The following IL7R variants were observed in gnomAD, a reference collection of about 807,000 sequenced individuals.
IL7R encodes the protein interleukin-7 receptor subunit alpha.
In IL7R, 38 loss-of-function variants were observed where a neutral mutation model predicts 47.0. The observed-to-expected ratio is 0.81, with a 90% CI of 0.62 to 1.06. IL7R has a LOEUF of 1.06. Among genes scored for constraint, IL7R ranks in the 50% least tolerant of loss-of-function variants. The pLI is 0.00. For synonymous variants in IL7R, 221 were observed against 199.8 expected (o/e 1.11, Z -0.89); for missense variants, 633 against 534.8 (o/e 1.18, Z -1.81).
In IL7R at chr5:35,871,159, AG is replaced by A; in HGVS notation, c.484del (p.Val162PhefsTer2). 6.2e-7 allele frequency: 1 copy of A among 1,613,472 alleles called. No individual in the cohort carries two copies. ...TSHLQKKYVK[V>X]LMHDVAYRQE... ...CACACTTGCAAAAGAAGTATGTAAA[AG>A]TTTTAATGCACGATGTAGCTTACCG... On this transcript the variant is annotated frameshift_variant, in exon 4 of 8. Transcript: ENST00000303115. LOFTEE classifies it high-confidence loss of function.
chr5:35,870,679 T>C (rs1000888959), intron 3 of IL7R, among the ~76,000 whole-genome samples: 12 of 152,220 alleles, frequency 7.9e-5, no homozygotes, highest in Non-Finnish European at 1.8e-4. Flanking sequence ...TGGATGTTTC[T>C]AACCTGCAGC....
intron 1 of IL7R, among the ~76,000 whole-genome samples, chr5:35,857,738 A>C (rs2149893971): frequency 6.6e-6 from 1 of 152,308 alleles, no homozygotes; most frequent in Middle Eastern, 3.4e-3. Flanking sequence ...TAAAAAACTT[A>C]GTACCGAGAA....
intron 4 of IL7R, among the ~76,000 whole-genome samples, chr5:35,872,155 C>T (rs1480523003): frequency 3.3e-5 from 5 of 152,052 alleles, no homozygotes; most frequent in African/African-American, 1.2e-4. Context: ...ATAAATGCTG[C>T]CAGGACAATT....
At chr5:35,866,431 G>C (rs11567731) in intron 2 of IL7R, among the ~76,000 whole-genome samples, 3,181 of 152,174 alleles carry the variant, frequency 0.021, 123 homozygotes, top group African/African-American at 0.073. Context: ...GTTGAGAAGG[G>C]TCATTCCTCT....
intron 2 of IL7R, among the ~76,000 whole-genome samples, chr5:35,863,390 G>A (rs780903742): frequency 2.6e-5 from 4 of 151,994 alleles, no homozygotes; most frequent in Non-Finnish European, 5.9e-5. Flanking sequence ...CAGCTCACTC[G>A]AAGCCAGACA....
intron 7 of IL7R, 41 bp from the exon 8 acceptor site, chr5:35,875,942 T>C (rs1760194164): frequency 6.2e-7 from 1 of 1,600,342 alleles, no homozygotes; most frequent in Non-Finnish European, 8.5e-7. Context: ...GGTGTGTCTC[T>C]CTGGTGCCAT....
chr5:35,861,492 T>A (rs539814426), intron 2 of IL7R, among the ~76,000 whole-genome samples: 68 of 152,190 alleles, frequency 4.5e-4, no homozygotes, highest in Non-Finnish European at 9.0e-4. Context: ...GATGGTTAAA[T>A]AATTTCATCA....
Position 35,864,501 on chromosome 5 carries a change from A to G in IL7R, c.222-2805A>G, listed in dbSNP as rs2149897623. Among the ~76,000 whole-genome samples, 4 of 152,312 alleles carry G rather than the reference A, an allele frequency of 2.6e-5. No individual in the cohort carries two copies. The South Asian group carries it at 8.3e-4, about 32-fold the overall frequency. ...CATTCTACTCTCCTTCCAGCGATGCATGAGAGATATACATCATTTGCAACG... is the reference window on the plus strand; with the variant it reads ...CATTCTACTCTCCTTCCAGCGATGCGTGAGAGATATACATCATTTGCAACG... On this transcript the variant is annotated intron_variant, in intron 2 of 7. Coordinates refer to ENST00000303115, the MANE Select transcript of IL7R (RefSeq NM_002185.5).
rs9282749 is a variant in IL7R at position 35,869,038 on chromosome 5, C to T, written c.379+1575C>T. The stretch of plus-strand genomic sequence containing the variant: ...AGTCTCTTGGGGCTATGGCAAGCAC[C>T]CCTGGACAAGCAGGAAGAGAGGTGG... On this transcript the variant is annotated intron_variant, in intron 3 of 7. Coordinates refer to ENST00000303115, the MANE Select transcript of IL7R (RefSeq NM_002185.5). Among the ~76,000 whole-genome samples the T allele has an allele frequency of 1.9e-4, 29 of 152,228 alleles. No homozygotes were observed. The South Asian group carries it at 5.8e-3, about 31-fold the overall frequency.
intron 2 of IL7R, among the ~76,000 whole-genome samples, chr5:35,864,204 G>C (rs185141107): frequency 2.2e-4 from 34 of 152,194 alleles, no homozygotes; most frequent in Admixed American, 5.2e-4. Flanking sequence ...CCATCTCATA[G>C]CTCATCTTTT....
chr5:35,866,482 C>A (rs953248817), intron 2 of IL7R, among the ~76,000 whole-genome samples: 2 of 152,108 alleles, frequency 1.3e-5, no homozygotes, highest in African/African-American at 4.8e-5. Context: ...GACACTATTT[C>A]TTTCCTTATA....
rs148001159 is a variant in IL7R at position 35,860,983 on chromosome 5, G to T, written c.214G>T (p.Glu72Ter). The T allele has an allele frequency of 4.3e-6, 7 of 1,613,452 alleles. No individual in the cohort carries two copies. The highest frequency in any genetic ancestry group is 5.9e-6 in the Non-Finnish European group (7 of 1,179,464). The change falls in exon 2 of 8, where the codon GAA (glutamate) becomes TAA (stop). Residue 72 changes from glutamate (E) to a stop codon, truncating the protein, a stop_gained. Coordinates refer to ENST00000303115, the MANE Select transcript of IL7R (RefSeq NM_002185.5). LOFTEE classifies it high-confidence loss of function. Reference sequence around the variant, plus strand: ...TGTCAACATCACCAATCTGGAATTTGAAATATGGTGAGGGATGGTGGTTTT... The same window carrying T: ...TGTCAACATCACCAATCTGGAATTTTAAATATGGTGAGGGATGGTGGTTTT... ...PDVNITNLEF[E>*]ICGALVEVKC... is the part of the protein sequence containing the mutation.
chr5:35,874,017 G>T (rs546400623), intron 5 of IL7R, among the ~76,000 whole-genome samples: 1 of 152,250 alleles, frequency 6.6e-6, no homozygotes, highest in African/African-American at 2.4e-5. Flanking sequence ...CAGGTATGCA[G>T]GCAAGTGCGG....
chr5:35,867,923 A>G (rs1023620394), intron 3 of IL7R, among the ~76,000 whole-genome samples: 1 of 144,428 alleles, frequency 6.9e-6, no homozygotes, highest in South Asian at 2.2e-4. Context: ...CAAAAAAAAA[A>G]GGGAATCAAT....
chr5:35,860,883 C>T lies in IL7R; in HGVS notation c.114C>T (p.Tyr38=), dbSNP rs2149895624. The T allele has an allele frequency of 1.9e-6, 3 of 1,613,604 alleles. No homozygotes were observed. Among genetic ancestry groups the T allele is most frequent in the South Asian group, 1.1e-5 (1 of 91,070 alleles). Residue 38 remains tyrosine (Y), a synonymous_variant, in exon 2 of 8, where the codon TAC becomes TAT. Coordinates refer to ENST00000303115, the MANE Select transcript of IL7R (RefSeq NM_002185.5). ...TGGAAGATGCAGAACTGGATGACTA[C>T]TCATTCTCATGCTATAGCCAGTTGG... is the stretch of plus-strand genomic sequence containing the variant. ...GDLEDAELDD[Y]SFSCYSQLEV...
intron 3 of IL7R, among the ~76,000 whole-genome samples, chr5:35,869,752 C>T (rs1478361095): frequency 6.6e-6 from 1 of 152,188 alleles, no homozygotes; most frequent in Non-Finnish European, 1.5e-5. Flanking sequence ...GGGGCAAAGG[C>T]ATTGCCAGCA....
At chr5:35,875,809 T>C in intron 7 of IL7R, 174 bp from the exon 8 acceptor site, 1 of 819,104 alleles carries the variant, frequency 1.2e-6, no homozygotes, top group Non-Finnish European at 2.0e-6. Context: ...CAGTGGTCAC[T>C]TCAAGTCTTG....
At position 35,877,758 on chromosome 5, in the gene IL7R, T is replaced by A. The variant is rs917074574; in HGVS notation, c.*1272T>A. 8.6e-6 allele frequency: 2 copies of A among 233,208 alleles called. No homozygotes were observed. Among genetic ancestry groups the A allele is most frequent in the Admixed American group, 1.1e-4 (2 of 17,780 alleles). The allele number at this position is 233,208 out of a possible 1,614,324, so 14.4% of individuals were successfully genotyped here. On this transcript the variant is annotated 3_prime_UTR_variant, in exon 8 of 8. Transcript: ENST00000303115. ...ATATACGGAAGAGACGTATTATTAATGCTTGACATATATCATCTTGCCTTT... is the reference window on the plus strand; with the variant it reads ...ATATACGGAAGAGACGTATTATTAAAGCTTGACATATATCATCTTGCCTTT...
chr5:35,869,737 A>T (rs1005679114), intron 3 of IL7R, among the ~76,000 whole-genome samples: 2 of 152,178 alleles, frequency 1.3e-5, no homozygotes, highest in Non-Finnish European at 2.9e-5. Flanking sequence ...CAGGAACAAG[A>T]GAGAGGGGCA....
Sources: gnomAD v4.1 joint callset for allele counts (sites outside exome capture counted in the v4.1 genomes callset) on GRCh38, gnomAD v4.1.1 for gene constraint, MANE v1.5 for transcripts, NCBI Gene and HGNC (gene_info 2026-07-23, HGNC 2026-07-21) for gene names.